CACUL1: variants seen among roughly 807,000 people sequenced by gnomAD.
CACUL1 encodes the protein CDK2 associated cullin domain 1.
A neutral mutation model predicts 45.2 loss-of-function variants in CACUL1; 13 were observed. That is an observed-to-expected ratio of 0.29 (90% CI 0.19 to 0.46). The LOEUF (loss-of-function observed/expected upper bound fraction) is 0.46, where lower values mean the gene tolerates loss of function less well. CACUL1 is among the 20% of genes least tolerant of loss of function. The pLI is 1.00. For synonymous variants in CACUL1, 197 were observed against 174.2 expected, an observed-to-expected ratio of 1.13 and a Z score of -1.03; for missense variants, 421 against 471.4, an observed-to-expected ratio of 0.89 and a Z score of 0.99.
rs1179512660 is a variant in CACUL1 at position 118,726,331 on chromosome 10, T to C, written c.597+2964A>G. 3.1e-6 allele frequency: 4 copies of C among 1,288,268 alleles called. No homozygotes were observed. The South Asian group carries it at 3.7e-5, about 12-fold the overall frequency. The allele number at this position is 1,288,268 out of a possible 1,614,324, so 79.8% of individuals were successfully genotyped here. On this transcript the variant is annotated intron_variant, in intron 3 of 8. Transcript: ENST00000369151. ...ATCTGAAGCTAATTATGCTACTCTT[T>C]CCATTAGTACAGGTCACATTTAGTT...
Position 118,683,437 on chromosome 10 carries a change from C to T in CACUL1, c.*2691G>A, listed in dbSNP as rs1157837278. On this transcript the variant is annotated 3_prime_UTR_variant, in exon 9 of 9. Coordinates refer to ENST00000369151, the MANE Select transcript of CACUL1 (RefSeq NM_153810.5). ...AGGTGCAGTGGCTCACACCTATAATCCCAGCACTTTGGGAGGCCGAGGTGG... is the reference window on the plus strand; with the variant it reads ...AGGTGCAGTGGCTCACACCTATAATTCCAGCACTTTGGGAGGCCGAGGTGG... The T allele has an allele frequency of 6.7e-6, 1 of 148,246 alleles. No individual in the cohort carries two copies. The highest frequency in any genetic ancestry group is 1.5e-5 in the Non-Finnish European group (1 of 67,610). The allele number at this position is 148,246 out of a possible 1,614,324, so 9.2% of individuals were successfully genotyped here.
intron 1 of CACUL1, among the ~76,000 whole-genome samples, chr10:118,738,080 C>G (rs1277108855): frequency 6.6e-6 from 1 of 152,226 alleles, no homozygotes; most frequent in East Asian, 1.9e-4. Flanking sequence ...CCAGTAGAGT[C>G]TGAACCTTGA....
intron 5 of CACUL1, among the ~76,000 whole-genome samples, chr10:118,698,304 C>T (rs559319421): frequency 3.9e-5 from 6 of 152,096 alleles, no homozygotes; most frequent in Non-Finnish European, 7.4e-5. Flanking sequence ...CCACCACACC[C>T]GGCTAATTTT....
chr10:118,698,302 C>A (rs934025199), intron 5 of CACUL1, among the ~76,000 whole-genome samples: 2 of 152,068 alleles, frequency 1.3e-5, no homozygotes, highest in Non-Finnish European at 2.9e-5. Context: ...TGCCACCACA[C>A]CCGGCTAATT....
chr10:118,716,104 C>A (rs1344022688), intron 3 of CACUL1, among the ~76,000 whole-genome samples: 6 of 151,702 alleles, frequency 4.0e-5, no homozygotes, highest in African/African-American at 1.2e-4. Context: ...TGGTGGCACG[C>A]GCCTGTAGTC....
intron 3 of CACUL1, among the ~76,000 whole-genome samples, chr10:118,726,855 A>G (rs1845656587): frequency 6.6e-6 from 1 of 152,192 alleles, no homozygotes; most frequent in East Asian, 1.9e-4. Context: ...CGTTTAATAA[A>G]GAGGCAAACA....
At position 118,679,520 on chromosome 10, in the gene CACUL1, T is replaced by A. The variant is rs1845131530; in HGVS notation, c.*6608A>T. 6.6e-6 allele frequency: 1 copy of A among 151,794 alleles called. No homozygotes were observed. The highest frequency in any genetic ancestry group is 6.6e-5 in the Admixed American group (1 of 15,226). 9.4% of individuals were successfully genotyped at this position (151,794 alleles called of 1,614,324 possible). A position where few individuals can be genotyped will look rare whatever the true frequency, so the allele number is the denominator to read the frequency against. Reference sequence around the variant, plus strand: ...CAAGAGCCACTGTGCCAGGCCCAACTTTTTTTGTTTTTTGCTTGAGATAGT... The same window carrying A: ...CAAGAGCCACTGTGCCAGGCCCAACATTTTTTGTTTTTTGCTTGAGATAGT... On this transcript the variant is annotated 3_prime_UTR_variant, in exon 9 of 9. Transcript: ENST00000369151.
At chr10:118,703,109 C>T (rs1056124189) in intron 4 of CACUL1, among the ~76,000 whole-genome samples, 3 of 152,032 alleles carry the variant, frequency 2.0e-5, no homozygotes, top group African/African-American at 4.8e-5. Flanking sequence ...TCTTAACACA[C>T]GTTTCTCTCT....
chr10:118,752,497 G>A (rs1845908229), intron 1 of CACUL1, among the ~76,000 whole-genome samples: 1 of 152,184 alleles, frequency 6.6e-6, no homozygotes, highest in South Asian at 2.1e-4. Context: ...TAACTCTATG[G>A]ATCAGGACTC....
At chr10:118,695,644 G>A (rs1046408349) in intron 5 of CACUL1, among the ~76,000 whole-genome samples, 2 of 152,146 alleles carry the variant, frequency 1.3e-5, no homozygotes, top group Non-Finnish European at 2.9e-5. Context: ...TGTGATCAGA[G>A]ACAGAAATTC....
intron 1 of CACUL1, 65 bp downstream of exon 1, chr10:118,754,331 G>C: frequency 1.4e-6 from 2 of 1,437,670 alleles, no homozygotes; most frequent in Non-Finnish European, 1.8e-6. Flanking sequence ...TCTCCAAGAG[G>C]GGGTGGATTC....
Position 118,730,502 on chromosome 10 carries a change from T to C in CACUL1, c.368-92A>G, listed in dbSNP as rs903924670. The C allele has an allele frequency of 3.2e-6, 4 of 1,239,054 alleles. No homozygotes were observed. In the Admixed American group the frequency reaches 6.3e-5, roughly 19 times the overall value. 76.8% of individuals were successfully genotyped at this position (1,239,054 alleles called of 1,614,324 possible). On this transcript the variant is annotated intron_variant, in intron 1 of 8. Coordinates refer to ENST00000369151, the MANE Select transcript of CACUL1 (RefSeq NM_153810.5). Reference sequence around the variant, plus strand: ...TTTTGCACTCTCAAATTCCTCTCACTTACTCTTCTGATTTTACACTGACAC... The same window carrying C: ...TTTTGCACTCTCAAATTCCTCTCACCTACTCTTCTGATTTTACACTGACAC...
chr10:118,745,606 C>A (rs538082839), intron 1 of CACUL1, among the ~76,000 whole-genome samples: 2 of 151,928 alleles, frequency 1.3e-5, no homozygotes, highest in East Asian at 3.9e-4. Flanking sequence ...TTTTAAATAA[C>A]AGATGGACAA....
At chr10:118,745,003 G>A (rs1845827681) in intron 1 of CACUL1, among the ~76,000 whole-genome samples, 1 of 152,096 alleles carries the variant, frequency 6.6e-6, no homozygotes, top group South Asian at 2.1e-4. Context: ...CAAAATTAAT[G>A]ACAGTGTATT....
At position 118,754,783 on chromosome 10, in the gene CACUL1, G is replaced by A; in HGVS notation, c.-21C>T. Reference sequence around the variant, plus strand: ...TCCATCCTGCTGGCCCCCGGCACCCGCCCGCCTCACAGGCACCTGCCGCCT... The same window carrying A: ...TCCATCCTGCTGGCCCCCGGCACCCACCCGCCTCACAGGCACCTGCCGCCT... On this transcript the variant is annotated 5_prime_UTR_variant, in exon 1 of 9. Transcript: ENST00000369151. 6.5e-7 allele frequency: 1 copy of A among 1,532,998 alleles called. No individual in the cohort carries two copies. The highest frequency in any genetic ancestry group is 8.7e-7 in the Non-Finnish European group (1 of 1,144,864). The allele number at this position is 1,532,998 out of a possible 1,614,324, so 95.0% of individuals were successfully genotyped here. A position where few individuals can be genotyped will look rare whatever the true frequency, so the allele number is the denominator to read the frequency against.
chr10:118,682,767 G>GAGAT lies in CACUL1; in HGVS notation c.*3357_*3360dup, dbSNP rs1845166153. The stretch of plus-strand genomic sequence containing the variant: ...TGGTAGCTGCACAGTGTGAGCACTG[G>GAGAT]AGATGGATGTGCAGTGTGCAGTGTT... On this transcript the variant is annotated 3_prime_UTR_variant, in exon 9 of 9. Coordinates refer to ENST00000369151, the MANE Select transcript of CACUL1 (RefSeq NM_153810.5). 1 of 152,668 alleles carries GAGAT rather than the reference G, an allele frequency of 6.6e-6. No individual in the cohort carries two copies. The allele number at this position is 152,668 out of a possible 1,614,324, so 9.5% of individuals were successfully genotyped here.
At chr10:118,694,889 T>C (rs1002333268) in intron 6 of CACUL1, 4 of 329,836 alleles carry the variant, frequency 1.2e-5, no homozygotes, top group Non-Finnish European at 1.8e-5. Context: ...TTATCCAAAG[T>C]GTATCCTACA....
intron 8 of CACUL1, 80 bp downstream of exon 8, chr10:118,686,490 GAGAACAACATGGGTATCATCAAATTCAA>G: frequency 1.1e-6 from 1 of 906,052 alleles, no homozygotes; most frequent in South Asian, 1.4e-5. Context: ...AGTGCCTTAT[GAGAACAACATGGGTATCATCAAATTCAA>G]TGCACTGTTA....
intron 1 of CACUL1, among the ~76,000 whole-genome samples, chr10:118,735,902 GAACA>G (rs746078525): frequency 7.9e-5 from 12 of 152,012 alleles, no homozygotes; most frequent in Non-Finnish European, 1.5e-4. Flanking sequence ...TAGATAATCA[GAACA>G]GACAAGGAGA....
Sources: gnomAD v4.1 joint callset for allele counts (sites outside exome capture counted in the v4.1 genomes callset) on GRCh38, gnomAD v4.1.1 for gene constraint, MANE v1.5 for transcripts, NCBI Gene and HGNC (gene_info 2026-07-23, HGNC 2026-07-21) for gene names.